PLA2G4A: variants seen among roughly 807,000 people sequenced by gnomAD.
PLA2G4A encodes phospholipase A2 group IVA, also known as cytosolic phospholipase A2.
Under a neutral mutation model 81.9 loss-of-function variants are expected in PLA2G4A, and 40 were observed. The ratio of observed to expected loss-of-function variants is 0.49; its 90% CI spans 0.38 to 0.64. The LOEUF (loss-of-function observed/expected upper bound fraction) is 0.64. Among genes scored for constraint, PLA2G4A ranks in the 30% least tolerant of loss-of-function variants. The pLI is 0.00. For missense variants in PLA2G4A, 715 were observed against 905.1 expected, an observed-to-expected ratio of 0.79 and a Z score of 2.69; for synonymous variants, 302 against 296.9, an observed-to-expected ratio of 1.02 and a Z score of -0.18.
intron 8 of PLA2G4A, among the ~76,000 whole-genome samples, chr1:186,937,429 T>C (rs1052296094): frequency 2.1e-5 from 3 of 141,192 alleles, no homozygotes; most frequent in Non-Finnish European, 4.5e-5. Flanking sequence ...ATCTTTCAAG[T>C]ATTCAAAGCT....
chr1:186,840,317 T>C (rs999898218), intron 1 of PLA2G4A, among the ~76,000 whole-genome samples: 4 of 152,190 alleles, frequency 2.6e-5, no homozygotes, highest in African/African-American at 9.7e-5. Context: ...TACAGAGTTC[T>C]TAATCCTGCA....
In PLA2G4A at chr1:186,970,017, C is replaced by G. The variant is rs191050315; in HGVS notation, c.1764+4424C>G. On this transcript the variant is annotated intron_variant, in intron 15 of 17. Coordinates refer to ENST00000367466, the MANE Select transcript of PLA2G4A (RefSeq NM_024420.3). The stretch of plus-strand genomic sequence containing the variant: ...TTTCTGTGGTGGCTGTACTAATTTA[C>G]ATTCCAAGCAACCATGTAGGAGGGT... 2.2e-3 allele frequency among the ~76,000 whole-genome samples: 330 copies of G among 152,146 alleles called. 4 individuals carry two copies. The highest frequency in any genetic ancestry group is 4.4e-3 in the South Asian group (21 of 4,824).
intron 3 of PLA2G4A, among the ~76,000 whole-genome samples, chr1:186,884,940 T>C (rs16826051): frequency 0.052 from 7,815 of 151,110 alleles, 659 homozygotes; most frequent in African/African-American, 0.17. Flanking sequence ...GCAAGCCACG[T>C]TTTCCCTCAG....
At position 186,951,438 on chromosome 1, in the gene PLA2G4A, A is replaced by G. The variant is rs1656557118; in HGVS notation, c.1336+710A>G. Among the ~76,000 whole-genome samples, 3 of 86,770 alleles carry G rather than the reference A, an allele frequency of 3.5e-5. No individual in the cohort carries two copies. The Admixed American group carries it at 4.2e-4, about 12-fold the overall frequency. 56.9% of individuals were successfully genotyped at this position (86,770 alleles called of 152,430 possible). ...GTGTTTTGAGACAGCCATTTATAAA[A>G]ATGTTCCCAATAGTTAAAAAAAAGC... On this transcript the variant is annotated intron_variant, in intron 13 of 17. Transcript: ENST00000367466.
At chr1:186,962,201 A>G (rs1259348775) in intron 14 of PLA2G4A, among the ~76,000 whole-genome samples, 1 of 151,800 alleles carries the variant, frequency 6.6e-6, no homozygotes. Context: ...TTTTATCTTT[A>G]CTGTTGTTAA....
At chr1:186,891,074 A>G (rs1423368734) in intron 3 of PLA2G4A, among the ~76,000 whole-genome samples, 4 of 152,250 alleles carry the variant, frequency 2.6e-5, no homozygotes, top group South Asian at 2.1e-4. Context: ...AGTAAGCAGG[A>G]TGATTTTTCT....
intron 1 of PLA2G4A, among the ~76,000 whole-genome samples, chr1:186,842,495 C>T (rs543890205): frequency 1.1e-4 from 17 of 152,216 alleles, no homozygotes; most frequent in Non-Finnish European, 1.9e-4. Context: ...AATATGCCCC[C>T]TCCAAATGCA....
intron 8 of PLA2G4A, among the ~76,000 whole-genome samples, chr1:186,937,952 T>C (rs752030803): frequency 3.3e-5 from 5 of 152,064 alleles, no homozygotes; most frequent in Non-Finnish European, 5.9e-5. Flanking sequence ...AGAATTAGTT[T>C]TCTCCCCTCG....
intron 3 of PLA2G4A, among the ~76,000 whole-genome samples, chr1:186,887,415 C>T (rs1449496609): frequency 1.3e-5 from 2 of 152,124 alleles, no homozygotes; most frequent in African/African-American, 4.8e-5. Flanking sequence ...GCTCCTTAAA[C>T]TCCTGAAGTT....
chr1:186,878,594 A>T (rs546485889), intron 3 of PLA2G4A, among the ~76,000 whole-genome samples: 1 of 151,866 alleles, frequency 6.6e-6, no homozygotes, highest in South Asian at 2.1e-4. Context: ...TTTTCTGTGT[A>T]GTGGAGAAAT....
At chr1:186,936,455 T>C (rs1250420279) in intron 8 of PLA2G4A, among the ~76,000 whole-genome samples, 1 of 151,940 alleles carries the variant, frequency 6.6e-6, no homozygotes, top group Non-Finnish European at 1.5e-5. Flanking sequence ...TGAAGAGATG[T>C]GTTAAGTGAC....
intron 13 of PLA2G4A, among the ~76,000 whole-genome samples, chr1:186,952,348 T>A (rs948995641): frequency 6.6e-6 from 1 of 152,178 alleles, no homozygotes; most frequent in Non-Finnish European, 1.5e-5. Context: ...TGATATGTAG[T>A]ATGTGGTTAA....
intron 8 of PLA2G4A, among the ~76,000 whole-genome samples, chr1:186,937,103 C>A (rs966365224): frequency 1.3e-4 from 19 of 151,354 alleles, no homozygotes; most frequent in African/African-American, 4.6e-4. Context: ...AAAGATTATC[C>A]AACTCTCCTT....
At chr1:186,918,326 G>A (rs1470743702) in intron 7 of PLA2G4A, among the ~76,000 whole-genome samples, 1 of 152,142 alleles carries the variant, frequency 6.6e-6, no homozygotes, top group African/African-American at 2.4e-5. Context: ...AGAATTTACT[G>A]TTGATATTTT....
At chr1:186,923,673 T>A (rs1655443385) in intron 7 of PLA2G4A, among the ~76,000 whole-genome samples, 1 of 152,214 alleles carries the variant, frequency 6.6e-6, no homozygotes, top group Admixed American at 6.5e-5. Context: ...TGATAGAAAT[T>A]TCTTTTAGAG....
intron 15 of PLA2G4A, 79 bp downstream of exon 15, chr1:186,965,672 C>T (rs1247834110): frequency 1.0e-6 from 1 of 978,436 alleles, no homozygotes; most frequent in Non-Finnish European, 1.7e-6. Context: ...CCCTTTGACT[C>T]CAGTTTCTTA....
intron 3 of PLA2G4A, among the ~76,000 whole-genome samples, chr1:186,877,265 T>C (rs1653537158): frequency 6.6e-6 from 1 of 151,934 alleles, no homozygotes; most frequent in Non-Finnish European, 1.5e-5. Context: ...TGGGAGATAT[T>C]GAGATATAGA....
chr1:186,874,698 A>C (rs1227117585), intron 3 of PLA2G4A, among the ~76,000 whole-genome samples: 2 of 152,080 alleles, frequency 1.3e-5, no homozygotes, highest in African/African-American at 4.8e-5. Context: ...TTAAGTATTC[A>C]GATGACAACA....
intron 7 of PLA2G4A, among the ~76,000 whole-genome samples, chr1:186,917,655 A>G (rs1309450210): frequency 6.6e-6 from 1 of 152,176 alleles, no homozygotes; most frequent in East Asian, 1.9e-4. Flanking sequence ...CAAACCTAGG[A>G]ATAAGATCTT....
Sources: allele counts gnomAD v4.1 joint callset (sites outside exome capture counted in the v4.1 genomes callset), GRCh38; gene constraint gnomAD v4.1.1; transcripts MANE v1.5; gene names NCBI Gene and HGNC (gene_info 2026-07-23, HGNC 2026-07-21).